The following INTS4 variants were observed in gnomAD, a reference collection of about 807,000 sequenced individuals.
The protein encoded by INTS4 is MSTP093.
A neutral mutation model predicts 119.5 loss-of-function variants in INTS4; 70 were observed. The observed-to-expected ratio is 0.59, with a 90% CI of 0.48 to 0.71. The LOEUF is 0.71. Ranked by LOEUF, INTS4 falls within the 30% of genes least tolerant of loss-of-function variation. INTS4 has a pLI of 0.00. For missense variants in INTS4, 867 were observed against 1,173.2 expected (o/e 0.74, Z 3.81); for synonymous variants, 316 against 419.6 (o/e 0.75, Z 3.02).
At chr11:77,946,872 T>C (rs564081430) in intron 8 of INTS4, among the ~76,000 whole-genome samples, 1 of 146,596 alleles carries the variant, frequency 6.8e-6, no homozygotes, top group South Asian at 2.2e-4. Flanking sequence ...CTCAGTAAGA[T>C]ACAAGAGAAT....
At chr11:77,926,256 G>A (rs558166140) in intron 11 of INTS4, among the ~76,000 whole-genome samples, 7 of 152,144 alleles carry the variant, frequency 4.6e-5, no homozygotes, top group African/African-American at 1.4e-4. Flanking sequence ...GAAGCCCAGT[G>A]ACACAGAAAA....
At chr11:77,947,320 T>C (rs1172796521) in intron 8 of INTS4, among the ~76,000 whole-genome samples, 1 of 152,140 alleles carries the variant, frequency 6.6e-6, no homozygotes, top group Non-Finnish European at 1.5e-5. Flanking sequence ...GGTTCACAAT[T>C]ACATTCAACC....
chr11:77,889,392 G>A (rs577379310), intron 21 of INTS4, among the ~76,000 whole-genome samples: 2 of 145,300 alleles, frequency 1.4e-5, no homozygotes, highest in Non-Finnish European at 3.0e-5. Context: ...CCCGGGGACT[G>A]TTGTGGGGTA....
chr11:77,961,143 T>TAAAAAA lies in INTS4; in HGVS notation c.472-11_472-6dup, dbSNP rs11370501. On this transcript the variant is annotated splice_region_variant and splice_polypyrimidine_tract_variant and intron_variant, in intron 4 of 22. Transcript: ENST00000534064. ...ATGAGACGTATCTGTCAGATGCTAT[T>TAAAAAA]AAAAAAAAAAAAAAAAAGAAAAAAA... is the stretch of plus-strand genomic sequence containing the variant. The TAAAAAA allele has an allele frequency of 7.4e-6, 9 of 1,216,684 alleles. No homozygotes were observed. The South Asian group carries it at 8.2e-5, about 11-fold the overall frequency. The allele number at this position is 1,216,684 out of a possible 1,614,324, so 75.4% of individuals were successfully genotyped here. A position where few individuals can be genotyped will look rare whatever the true frequency, so the allele number is the denominator to read the frequency against.
chr11:77,935,727 C>A (rs1377935934), intron 10 of INTS4, among the ~76,000 whole-genome samples: 1 of 151,842 alleles, frequency 6.6e-6, no homozygotes, highest in African/African-American at 2.4e-5. Context: ...AAAACCCCAT[C>A]TCTACAAAAA....
In INTS4 at chr11:77,892,574, C is replaced by T. The variant is rs1952320135; in HGVS notation, c.2289-734G>A. ...GCATGAACTTATTTCAGATTCAAAA[C>T]TAGAATTTTTTTTTAATTTTCTTTT... On this transcript the variant is annotated intron_variant, in intron 19 of 22. Transcript: ENST00000534064. 2.0e-5 allele frequency among the ~76,000 whole-genome samples: 3 copies of T among 152,180 alleles called. No individual in the cohort carries two copies. The South Asian group carries it at 6.2e-4, about 32-fold the overall frequency.
chr11:77,875,785 TG>T (rs1360515484), downstream of INTS4, among the ~76,000 whole-genome samples: 2 of 152,026 alleles, frequency 1.3e-5, no homozygotes, highest in Non-Finnish European at 2.9e-5. Context: ...TCCTGAAGAA[TG>T]GAAGGAAAGA....
downstream of INTS4, among the ~76,000 whole-genome samples, chr11:77,876,015 G>C (rs1002410677): frequency 6.6e-6 from 1 of 152,188 alleles, no homozygotes; most frequent in Non-Finnish European, 1.5e-5. Flanking sequence ...GAAAGGGACT[G>C]AGCAGGGGAA....
At chr11:77,970,099 C>T (rs1481711283) in intron 4 of INTS4, among the ~76,000 whole-genome samples, 1 of 152,122 alleles carries the variant, frequency 6.6e-6, no homozygotes, top group Non-Finnish European at 1.5e-5. Flanking sequence ...AATGCTGCTG[C>T]TACAAACAAC....
chr11:77,874,765 G>A (rs1054058041), downstream of INTS4, among the ~76,000 whole-genome samples: 6 of 152,116 alleles, frequency 3.9e-5, no homozygotes, highest in African/African-American at 9.7e-5. Context: ...GGCCGGGTGC[G>A]GTGGCTCACG....
intron 1 of INTS4, among the ~76,000 whole-genome samples, chr11:77,994,314 G>A (rs547249516): frequency 6.6e-6 from 1 of 152,256 alleles, no homozygotes; most frequent in African/African-American, 2.4e-5. Flanking sequence ...GCAAAGTTGT[G>A]TGAGAGAATA....
At chr11:77,882,144 G>A (rs1253681670) in intron 22 of INTS4, among the ~76,000 whole-genome samples, 2 of 152,064 alleles carry the variant, frequency 1.3e-5, no homozygotes, top group African/African-American at 2.4e-5. Context: ...TCAGACTCTT[G>A]GGCTCAATCG....
chr11:77,917,458 C>T (rs1953231434), intron 15 of INTS4, among the ~76,000 whole-genome samples: 1 of 151,608 alleles, frequency 6.6e-6, no homozygotes, highest in African/African-American at 2.4e-5. Context: ...GGATTACAGG[C>T]GCGTGCCACC....
At chr11:77,924,242 A>C (rs1387554368) in intron 12 of INTS4, among the ~76,000 whole-genome samples, 14 of 151,098 alleles carry the variant, frequency 9.3e-5, no homozygotes, top group Admixed American at 2.6e-4. Flanking sequence ...TAAAAAAAAA[A>C]ACAAAAATTA....
chr11:77,880,176 T>C (rs1356819543), intron 22 of INTS4, among the ~76,000 whole-genome samples: 1 of 152,112 alleles, frequency 6.6e-6, no homozygotes, highest in African/African-American at 2.4e-5. Flanking sequence ...TTGAAGATGA[T>C]CCCAAGGCTA....
In INTS4 at chr11:77,904,965, A is replaced by G. The variant is rs1270691105; in HGVS notation, c.2017-1345T>C. Among the ~76,000 whole-genome samples the G allele has an allele frequency of 9.8e-5, 15 of 152,314 alleles. No individual in the cohort carries two copies. In the East Asian group the frequency reaches 2.9e-3, roughly 29 times the overall value. On this transcript the variant is annotated intron_variant, in intron 16 of 22. Coordinates refer to ENST00000534064, the MANE Select transcript of INTS4 (RefSeq NM_033547.4). ...GGGGTGGACTTGTGGACCTAATTTT[A>G]GATATCAGCTTGACTAGATTAAGGA...
intron 18 of INTS4, among the ~76,000 whole-genome samples, chr11:77,895,421 A>T (rs1267725304): frequency 6.6e-6 from 1 of 151,314 alleles, no homozygotes; most frequent in Non-Finnish European, 1.5e-5. Context: ...TTCCTAGCAC[A>T]GGCAGCAGTC....
At chr11:77,895,808 C>T (rs988904097) in intron 18 of INTS4, among the ~76,000 whole-genome samples, 1 of 152,240 alleles carries the variant, frequency 6.6e-6, no homozygotes, top group South Asian at 2.1e-4. Flanking sequence ...TCTCCCCAAA[C>T]GTCAAAAAAG....
chr11:77,917,182 G>A (rs1953222754), intron 15 of INTS4, among the ~76,000 whole-genome samples: 1 of 152,110 alleles, frequency 6.6e-6, no homozygotes, highest in Non-Finnish European at 1.5e-5. Flanking sequence ...CACAGAGCTT[G>A]TTTCTTAGTG....
Sources: allele counts gnomAD v4.1 joint callset (sites outside exome capture counted in the v4.1 genomes callset), GRCh38; gene constraint gnomAD v4.1.1; transcripts MANE v1.5; gene names NCBI Gene and HGNC (gene_info 2026-07-23, HGNC 2026-07-21).